Variants in UBE2Z observed in about 807,000 individuals in gnomAD.
UBE2Z encodes ubiquitin conjugating enzyme E2 Z, also known as ubiquitin-conjugating enzyme E2 Z.
A neutral mutation model predicts 32.6 loss-of-function variants in UBE2Z; 10 were observed. That is an observed-to-expected ratio of 0.31 (90% CI 0.19 to 0.52). The LOEUF (loss-of-function observed/expected upper bound fraction) is 0.52, where lower values mean the gene tolerates loss of function less well. Ranked by LOEUF, UBE2Z falls within the 20% of genes least tolerant of loss-of-function variation. UBE2Z has a pLI of 0.97. For missense variants in UBE2Z, 343 were observed against 480.9 expected, an observed-to-expected ratio of 0.71 and a Z score of 2.68; for synonymous variants, 183 against 190.8, an observed-to-expected ratio of 0.96 and a Z score of 0.34.
At chr17:48,913,771 A>C (rs2040698650) in intron 3 of UBE2Z, among the ~76,000 whole-genome samples, 1 of 152,206 alleles carries the variant, frequency 6.6e-6, no homozygotes, top group African/African-American at 2.4e-5. Context: ...GAAAGGCTGC[A>C]GGTCTGTGCC....
chr17:48,911,202 C>T, intron 2 of UBE2Z: 1 of 314,874 alleles, frequency 3.2e-6, no homozygotes, highest in Non-Finnish European at 6.2e-6. Context: ...TATGGTCACC[C>T]TATCCATTGT....
chr17:48,915,142 A>G (rs1598072999), intron 3 of UBE2Z, among the ~76,000 whole-genome samples: 1 of 152,194 alleles, frequency 6.6e-6, no homozygotes, highest in Non-Finnish European at 1.5e-5. Flanking sequence ...GACAAAAGAA[A>G]TTTAACGAGA....
In UBE2Z at chr17:48,914,608, G is replaced by A. The variant is rs571265599; in HGVS notation, c.579-1468G>A. 8.5e-5 allele frequency among the ~76,000 whole-genome samples: 13 copies of A among 152,306 alleles called. No homozygotes were observed. In the South Asian group the frequency reaches 2.7e-3, roughly 32 times the overall value. On this transcript the variant is annotated intron_variant, in intron 3 of 6. Transcript: ENST00000360943. ...TCTCAAAGTAGGCTCTCCCTCATTG[G>A]GTCAATATAAAACTCTTTTGAGATA... is the stretch of plus-strand genomic sequence containing the variant.
chr17:48,916,377 C>A (rs1322515309), intron 4 of UBE2Z, among the ~76,000 whole-genome samples, 190 bp downstream of exon 4: 1 of 150,990 alleles, frequency 6.6e-6, no homozygotes, highest in African/African-American at 2.4e-5. Context: ...CTCAGCCTCC[C>A]AAGTAGCTGG....
intron 6 of UBE2Z, among the ~76,000 whole-genome samples, chr17:48,925,418 T>C (rs1258135062): frequency 6.6e-6 from 1 of 152,200 alleles, no homozygotes; most frequent in Non-Finnish European, 1.5e-5. Context: ...AGATGACTTA[T>C]GCCCTCCAGT....
chr17:48,911,560 T>C (rs1332234983), intron 2 of UBE2Z: 1 of 152,270 alleles, frequency 6.6e-6, no homozygotes, highest in African/African-American at 2.4e-5. Context: ...TAATGCTGTT[T>C]AAGTGAAACA....
chr17:48,908,885 C>G, intron 1 of UBE2Z, 65 bp downstream of exon 1: 2 of 1,104,570 alleles, frequency 1.8e-6, no homozygotes, highest in East Asian at 1.4e-4. Flanking sequence ...GCCCCCCACC[C>G]TCTCCCACTA....
intron 1 of UBE2Z, among the ~76,000 whole-genome samples, chr17:48,910,179 T>C (rs776142171): frequency 1.5e-4 from 23 of 152,118 alleles, no homozygotes; most frequent in Middle Eastern, 3.2e-3. Flanking sequence ...AGAAATCTTA[T>C]CTCCTATGGA....
At chr17:48,920,572 CT>C (rs2040752157) in intron 4 of UBE2Z, among the ~76,000 whole-genome samples, 2 of 152,030 alleles carry the variant, frequency 1.3e-5, no homozygotes, top group African/African-American at 4.8e-5. Context: ...ACTCAGGAGG[CT>C]GAGGTGGGAG....
chr17:48,913,457 C>T (rs557308040), intron 3 of UBE2Z, among the ~76,000 whole-genome samples: 135 of 152,314 alleles, frequency 8.9e-4, no homozygotes, highest in African/African-American at 2.8e-3. Context: ...CAGATTCAAG[C>T]GATTCTCCTG....
At chr17:48,909,511 C>T (rs2040659818) in intron 1 of UBE2Z, among the ~76,000 whole-genome samples, 1 of 151,082 alleles carries the variant, frequency 6.6e-6, no homozygotes, top group Non-Finnish European at 1.5e-5. Flanking sequence ...TGTAATATCC[C>T]ACTCAGGAGC....
At chr17:48,926,780 C>T (rs556639738) in intron 6 of UBE2Z, among the ~76,000 whole-genome samples, 184 bp from the exon 7 acceptor site, 159 of 152,226 alleles carry the variant, frequency 1.0e-3, no homozygotes, top group Non-Finnish European at 1.4e-3. Context: ...CGCGCCTGGC[C>T]CAGGTGTCAT....
rs1567777628 is a variant in UBE2Z, at chr17:48,913,033, C to G, written c.578+12C>G. The stretch of plus-strand genomic sequence containing the variant: ...TTGAGTATTCTAGGGTAAGAGGAGA[C>G]TTTTAAGTAGCCAAGTCGGTTGTTA... On this transcript the variant is annotated intron_variant, in intron 3 of 6. Coordinates refer to ENST00000360943, the MANE Select transcript of UBE2Z (RefSeq NM_023079.5). 1.9e-6 allele frequency: 3 copies of G among 1,610,310 alleles called. No individual in the cohort carries two copies. The highest frequency in any genetic ancestry group is 1.7e-4 in the Middle Eastern group (1 of 6,050).
At chr17:48,916,258 G>GTTTTTTTGTT in intron 4 of UBE2Z, 71 bp downstream of exon 4, 5 of 415,722 alleles carry the variant, frequency 1.2e-5, no homozygotes, top group East Asian at 1.1e-4. Context: ...TGGTTTTTTT[G>GTTTTTTTGTT]TTTTTTTTTT....
intron 6 of UBE2Z, among the ~76,000 whole-genome samples, chr17:48,924,868 CAA>C (rs2040787292): frequency 9.8e-6 from 1 of 102,202 alleles, no homozygotes; most frequent in Non-Finnish European, 2.2e-5. Context: ...AAAAAAAAGA[CAA>C]AAATTATAGA....
At chr17:48,918,566 T>C (rs1361159233) in intron 4 of UBE2Z, among the ~76,000 whole-genome samples, 1 of 151,790 alleles carries the variant, frequency 6.6e-6, no homozygotes, top group East Asian at 1.9e-4. Context: ...CTCCTGACCT[T>C]AGGTGATCAG....
intron 6 of UBE2Z, among the ~76,000 whole-genome samples, chr17:48,923,889 G>A (rs1444441145): frequency 6.6e-5 from 10 of 152,086 alleles, no homozygotes; most frequent in Admixed American, 6.6e-4. Flanking sequence ...CACCACCACA[G>A]CTAGTTTTTG....
chr17:48,917,198 C>T (rs1221403252), intron 4 of UBE2Z, among the ~76,000 whole-genome samples: 1 of 151,906 alleles, frequency 6.6e-6, no homozygotes, highest in Non-Finnish European at 1.5e-5. Context: ...CCCAGCTACT[C>T]GGAGGCTGAG....
Position 48,908,631 on chromosome 17 carries a change from C to G in UBE2Z, c.128C>G (p.Pro43Arg), listed in dbSNP as rs2040647426. Residue 43 changes from proline to arginine, a missense_variant, in exon 1 of 7, where the codon CCG becomes CGG. By Grantham distance (103) the Pro-to-Arg change is moderately radical. Coordinates refer to ENST00000360943, the MANE Select transcript of UBE2Z (RefSeq NM_023079.5). ...GGCGGGTTCGGGCCGCCTTTCCTGC[C>G]GGATGTGTGGGCGGCGGCGGCGGCA... ...SGGGFGPPFLPDVWAAAAAAG... is the reference protein window; with the variant it reads ...SGGGFGPPFLRDVWAAAAAAG... The G allele has an allele frequency of 1.6e-6, 2 of 1,233,256 alleles. No homozygotes were observed. Among genetic ancestry groups the G allele is most frequent in the Non-Finnish European group, 2.0e-6 (2 of 986,226 alleles). The allele number at this position is 1,233,256 out of a possible 1,614,324, so 76.4% of individuals were successfully genotyped here.
Sources: gnomAD v4.1 joint callset for allele counts (sites outside exome capture counted in the v4.1 genomes callset) on GRCh38, gnomAD v4.1.1 for gene constraint, MANE v1.5 for transcripts, NCBI Gene and HGNC (gene_info 2026-07-23, HGNC 2026-07-21) for gene names.